The following ANK3 variants were observed in gnomAD, a reference collection of about 807,000 sequenced individuals.
ANK3 encodes ankyrin 3, also known as ankyrin-3.
ANK3 carries 57 observed loss-of-function variants against 370.9 expected under a neutral mutation model. The observed-to-expected ratio is 0.15, with a 90% CI of 0.12 to 0.19. The LOEUF (loss-of-function observed/expected upper bound fraction) is 0.19. Among genes scored for constraint, ANK3 ranks in the 10% least tolerant of loss-of-function variants. The pLI is 1.00. For synonymous variants in ANK3, 1,929 were observed against 1,946.3 expected (o/e 0.99, Z 0.23); for missense variants, 4,439 against 5,302.1 (o/e 0.84, Z 5.06).
rs569357388 is a variant in ANK3 at position 60,324,512 on chromosome 10, T to C, written c.115-44873A>G. ...TCATTAATTCCCTGAACTTTCAACCTGGAAGGAGCCTAAGTGAAGGCTGTT... is the reference window on the plus strand; with the variant it reads ...TCATTAATTCCCTGAACTTTCAACCCGGAAGGAGCCTAAGTGAAGGCTGTT... On this transcript the variant is annotated intron_variant, in intron 1 of 43. Transcript: ENST00000280772. Among the ~76,000 whole-genome samples the C allele has an allele frequency of 2.0e-5, 3 of 152,322 alleles. No individual in the cohort carries two copies. The South Asian group carries it at 6.2e-4, about 32-fold the overall frequency.
At chr10:60,096,795 TTTTG>T (rs1486816521) in intron 28 of ANK3, among the ~76,000 whole-genome samples, 3 of 152,170 alleles carry the variant, frequency 2.0e-5, no homozygotes, top group Non-Finnish European at 4.4e-5. Context: ...TTTTATATGG[TTTTG>T]TTTTTTAAAA....
intron 1 of ANK3, among the ~76,000 whole-genome samples, chr10:60,377,841 G>A (rs576106364): frequency 6.6e-5 from 10 of 152,232 alleles, no homozygotes; most frequent in South Asian, 6.2e-4. Context: ...AGCAAAATGC[G>A]AATAATGTCA....
chr10:60,074,980 A>G lies in ANK3; in HGVS notation c.5901T>C (p.Cys1967=). ...ATTTGGGTGATCCTTTATTATCTAC[A>G]CATACATCCTTTTTAAGGATTTCAC... is the stretch of plus-strand genomic sequence containing the variant. ...KVSEILKKDV[C]VDNKGSPKSP... The change falls in exon 37 of 44, where the codon TGT becomes TGC. Residue 1967 remains cysteine (C), a synonymous_variant. Transcript: ENST00000280772. The G allele has an allele frequency of 6.2e-7, 1 of 1,614,060 alleles. No individual in the cohort carries two copies. Among genetic ancestry groups the G allele is most frequent in the Non-Finnish European group, 8.5e-7 (1 of 1,179,996 alleles).
intron 2 of ANK3, among the ~76,000 whole-genome samples, chr10:60,482,898 G>A (rs1360246645): frequency 2.0e-5 from 3 of 152,062 alleles, no homozygotes; most frequent in Non-Finnish European, 4.4e-5. Flanking sequence ...AGAAATAAAA[G>A]ACAACAGATT....
intron 2 of ANK3, among the ~76,000 whole-genome samples, chr10:60,442,476 A>G (rs1445617948): frequency 6.6e-6 from 1 of 152,096 alleles, no homozygotes; most frequent in Non-Finnish European, 1.5e-5. Flanking sequence ...TGGTTGTTAT[A>G]TTGTGTTTAA....
chr10:60,192,475 C>A (rs1350576110), intron 16 of ANK3, among the ~76,000 whole-genome samples: 3 of 151,248 alleles, frequency 2.0e-5, no homozygotes, highest in Admixed American at 2.0e-4. Flanking sequence ...TATATACCAA[C>A]ACACATAAAT....
intron 2 of ANK3, among the ~76,000 whole-genome samples, chr10:60,535,661 G>A (rs768746166): frequency 6.6e-6 from 1 of 152,012 alleles, no homozygotes; most frequent in Non-Finnish European, 1.5e-5. Flanking sequence ...TGCATTCTTG[G>A]TGAGGGTGTT....
At chr10:60,226,551 TATA>T (rs2097160484) in intron 8 of ANK3, among the ~76,000 whole-genome samples, 1 of 11,070 alleles carries the variant, frequency 9.0e-5, no homozygotes, top group Non-Finnish European at 1.7e-4. Flanking sequence ...GTATATATAC[TATA>T]GTATATATAC....
intron 1 of ANK3, among the ~76,000 whole-genome samples, chr10:60,720,953 G>A (rs1424448645): frequency 6.6e-6 from 1 of 152,122 alleles, no homozygotes; most frequent in Non-Finnish European, 1.5e-5. Flanking sequence ...TCCCACAGGA[G>A]ATCATGTTAG....
intron 2 of ANK3, among the ~76,000 whole-genome samples, chr10:60,495,829 T>TTG (rs1341871743): frequency 3.3e-5 from 5 of 152,074 alleles, no homozygotes; most frequent in African/African-American, 7.2e-5. Flanking sequence ...CAGCAGTTAG[T>TTG]TGTGATTTTT....
rs768660263 is a variant in ANK3 at position 60,071,494 on chromosome 10, C to A, written c.9387G>T (p.Arg3129Ser). The change falls in exon 37 of 44, where the codon AGG (arginine) becomes AGT (serine). Residue 3129 changes from arginine (R) to serine (S), a missense_variant. Physicochemically the swap from Arg to Ser is moderately radical, Grantham distance 110. Transcript: ENST00000280772. Reference protein sequence around the residue: ...SQECKTVQETRGTFYTTRQQK... With the variant: ...SQECKTVQETSGTFYTTRQQK... ...GCTGTCTAGTTGTATAAAAGGTCCCCCTGGTTTCTTGTACTGTCTTACATT... is the reference window on the plus strand; with the variant it reads ...GCTGTCTAGTTGTATAAAAGGTCCCACTGGTTTCTTGTACTGTCTTACATT... 2 of 1,613,828 alleles carry A rather than the reference C, an allele frequency of 1.2e-6. No homozygotes were observed. Among genetic ancestry groups the A allele is most frequent in the South Asian group, 2.2e-5 (2 of 91,064 alleles).
At chr10:60,254,976 G>A (rs1374986449) in intron 7 of ANK3, among the ~76,000 whole-genome samples, 5 of 152,138 alleles carry the variant, frequency 3.3e-5, no homozygotes, top group African/African-American at 1.2e-4. Flanking sequence ...TCCAAAATGT[G>A]TAAGATGACA....
At chr10:60,320,306 A>G (rs1414878219) in intron 1 of ANK3, among the ~76,000 whole-genome samples, 1 of 152,164 alleles carries the variant, frequency 6.6e-6, no homozygotes, top group Non-Finnish European at 1.5e-5. Context: ...TCAAAAAAGC[A>G]CCATGGGCCT....
chr10:60,410,829 C>T (rs1030663583), intron 2 of ANK3, among the ~76,000 whole-genome samples: 1 of 151,998 alleles, frequency 6.6e-6, no homozygotes, highest in Non-Finnish European at 1.5e-5. Flanking sequence ...GAATGCCTGG[C>T]CAATTTTTTT....
At chr10:60,543,253 G>T (rs1426502108) in intron 2 of ANK3, among the ~76,000 whole-genome samples, 1 of 151,840 alleles carries the variant, frequency 6.6e-6, no homozygotes, top group African/African-American at 2.4e-5. Context: ...TGGAAATTTG[G>T]CAATATCTAT....
At chr10:60,314,257 C>T (rs1490455923) in intron 1 of ANK3, among the ~76,000 whole-genome samples, 4 of 152,160 alleles carry the variant, frequency 2.6e-5, no homozygotes, top group Non-Finnish European at 5.9e-5. Context: ...TGAACACGGA[C>T]AATATATTCC....
chr10:60,725,225 A>C (rs2079924643), intron 1 of ANK3, among the ~76,000 whole-genome samples: 1 of 152,152 alleles, frequency 6.6e-6, no homozygotes, highest in Non-Finnish European at 1.5e-5. Context: ...CCTTATGTTT[A>C]TCTAATCCTT....
At chr10:60,037,203 A>C (rs1406385077) in intron 43 of ANK3, among the ~76,000 whole-genome samples, 1 of 152,052 alleles carries the variant, frequency 6.6e-6, no homozygotes, top group African/African-American at 2.4e-5. Flanking sequence ...GGTTACCTTC[A>C]TTTTATTCTT....
At chr10:60,108,638 G>A (rs1028151869) in intron 27 of ANK3, among the ~76,000 whole-genome samples, 192 bp downstream of exon 27, 1 of 152,128 alleles carries the variant, frequency 6.6e-6, no homozygotes, top group Non-Finnish European at 1.5e-5. Context: ...CTAGCAAACT[G>A]AGTTAAGAAA....
Sources: gnomAD v4.1 joint callset for allele counts (sites outside exome capture counted in the v4.1 genomes callset) on GRCh38, gnomAD v4.1.1 for gene constraint, MANE v1.5 for transcripts, NCBI Gene and HGNC (gene_info 2026-07-23, HGNC 2026-07-21) for gene names.